Variants in ATL2 observed in about 807,000 individuals in gnomAD.
The protein encoded by ATL2 is atlastin GTPase 2.
ATL2 carries 31 observed loss-of-function variants against 73.9 expected under a neutral mutation model. That is an observed-to-expected ratio of 0.42 (90% confidence interval 0.32 to 0.57). ATL2 has a LOEUF of 0.57. Among genes scored for constraint, ATL2 ranks in the 20% least tolerant of loss-of-function variants. The pLI is 0.14. For synonymous variants in ATL2, 291 were observed against 237.5 expected (o/e 1.23, Z -2.07); for missense variants, 738 against 702.6 (o/e 1.05, Z -0.57).
In ATL2 at chr2:38,318,617, G is replaced by A; in HGVS notation, c.521C>T (p.Thr174Ile). The A allele has an allele frequency of 6.2e-7, 1 of 1,611,008 alleles. No homozygotes were observed. Among genetic ancestry groups the A allele is most frequent in the Non-Finnish European group, 8.5e-7 (1 of 1,179,168 alleles). Residue 174 changes from threonine (T) to isoleucine (I), a missense_variant, in exon 4 of 13, where the codon ACC becomes ATC. Coordinates refer to ENST00000378954, the MANE Select transcript of ATL2 (RefSeq NM_001135673.4). ...TGACTGGCTATCAAAGGCACCCTGG[G>A]TATCCATAAGCAGCACAGCAACCTA... Reference protein sequence around the residue: ...GTKVAVLLMDTQGAFDSQSTI... With the variant: ...GTKVAVLLMDIQGAFDSQSTI...
At chr2:38,330,621 CAAAAATG>C (rs1668932391) in intron 2 of ATL2, among the ~76,000 whole-genome samples, 1 of 151,988 alleles carries the variant, frequency 6.6e-6, no homozygotes, top group African/African-American at 2.4e-5. Context: ...ATGAACAATT[CAAAAATG>C]AAATTAAGAA....
At chr2:38,315,213 C>T (rs1033728224) in intron 5 of ATL2, 71 bp downstream of exon 5, 6 of 1,335,800 alleles carry the variant, frequency 4.5e-6, no homozygotes, top group East Asian at 3.2e-5. Flanking sequence ...ATTGTGCCAC[C>T]GTACTCTAGT....
At chr2:38,376,807 C>G (rs1671997216) in intron 1 of ATL2, among the ~76,000 whole-genome samples, 1 of 151,602 alleles carries the variant, frequency 6.6e-6, no homozygotes, top group African/African-American at 2.4e-5. Flanking sequence ...GGGCAGGCGG[C>G]CACGGCTCAA....
Position 38,294,291 on chromosome 2 carries a change from G to A in ATL2, c.*1703C>T, listed in dbSNP as rs540226727. On this transcript the variant is annotated 3_prime_UTR_variant, in exon 13 of 13. Transcript: ENST00000378954. Reference sequence around the variant, plus strand: ...GGGCCGGGCGCGGTGGCTCACGCCTGTAATCCCAACACTTTGGGAGGCCAA... The same window carrying A: ...GGGCCGGGCGCGGTGGCTCACGCCTATAATCCCAACACTTTGGGAGGCCAA... Among the ~76,000 whole-genome samples, 364 of 152,354 alleles carry A rather than the reference G, an allele frequency of 2.4e-3. 1 individual carries two copies. Among genetic ancestry groups the A allele is most frequent in the African/African-American group, 8.6e-3 (357 of 41,582 alleles).
chr2:38,314,802 C>T (rs1418509994), intron 5 of ATL2, 138 bp from the exon 6 acceptor site: 5 of 579,272 alleles, frequency 8.6e-6, no homozygotes, highest in Non-Finnish European at 3.0e-6. Context: ...TTCTAACACA[C>T]TAGGTATGTA....
intron 2 of ATL2, among the ~76,000 whole-genome samples, chr2:38,322,700 A>G (rs925646730): frequency 6.6e-6 from 1 of 152,094 alleles, no homozygotes; most frequent in African/African-American, 2.4e-5. Context: ...AAAAAAAAAT[A>G]CTAAACTGAT....
intron 2 of ATL2, among the ~76,000 whole-genome samples, chr2:38,330,436 T>A (rs1379828163): frequency 6.6e-6 from 1 of 151,998 alleles, no homozygotes; most frequent in Admixed American, 6.6e-5. Flanking sequence ...AAATAAAAGG[T>A]TCCCAGGTAA....
At chr2:38,311,838 C>G (rs1205195626) in intron 7 of ATL2, among the ~76,000 whole-genome samples, 1 of 152,154 alleles carries the variant, frequency 6.6e-6, no homozygotes, top group East Asian at 1.9e-4. Context: ...ACTTTCTTGT[C>G]TTTGAGTTAC....
chr2:38,363,813 C>T (rs1671148570), intron 1 of ATL2, among the ~76,000 whole-genome samples: 2 of 152,138 alleles, frequency 1.3e-5, no homozygotes, highest in Admixed American at 6.5e-5. Flanking sequence ...ACGGTTCTAA[C>T]ACAAAAAGTA....
intron 4 of ATL2, among the ~76,000 whole-genome samples, chr2:38,317,413 T>G (rs2148433986): frequency 6.6e-6 from 1 of 152,178 alleles, no homozygotes; most frequent in South Asian, 2.1e-4. Context: ...GTCCAATCCA[T>G]CTAAATTATA....
chr2:38,353,122 A>C (rs1027706171), intron 1 of ATL2, among the ~76,000 whole-genome samples: 1 of 152,226 alleles, frequency 6.6e-6, no homozygotes, highest in Non-Finnish European at 1.5e-5. Flanking sequence ...TAACAGTACC[A>C]ATTCTGCCAT....
Position 38,328,491 on chromosome 2 carries a change from G to C in ATL2, c.364-9472C>G, listed in dbSNP as rs948644747. ...CAAAGTATGCTCTCATACCACAACAGAATTAAACTATTACTAGAAATCAGT... is the reference window on the plus strand; with the variant it reads ...CAAAGTATGCTCTCATACCACAACACAATTAAACTATTACTAGAAATCAGT... On this transcript the variant is annotated intron_variant, in intron 2 of 12. Transcript: ENST00000378954. Among the ~76,000 whole-genome samples, 4 of 152,046 alleles carry C rather than the reference G, an allele frequency of 2.6e-5. No homozygotes were observed. The South Asian group carries it at 8.3e-4, about 31-fold the overall frequency.
In ATL2 at chr2:38,295,977, C is replaced by G. The variant is rs200305207; in HGVS notation, c.*17G>C. 1.3e-6 allele frequency: 2 copies of G among 1,519,750 alleles called. No individual in the cohort carries two copies. Among genetic ancestry groups the G allele is most frequent in the Non-Finnish European group, 1.8e-6 (2 of 1,121,624 alleles). The allele number at this position is 1,519,750 out of a possible 1,614,324, so 94.1% of individuals were successfully genotyped here. Reference sequence around the variant, plus strand: ...CATGAAAAAAAAAGAGAGTGGAGTCCGTGAGGAGATGAACTGTCAGTCTGT... The same window carrying G: ...CATGAAAAAAAAAGAGAGTGGAGTCGGTGAGGAGATGAACTGTCAGTCTGT... On this transcript the variant is annotated 3_prime_UTR_variant, in exon 13 of 13. Coordinates refer to ENST00000378954, the MANE Select transcript of ATL2 (RefSeq NM_001135673.4).
intron 2 of ATL2, 102 bp downstream of exon 2, chr2:38,343,149 TAAAAAAAAAAAAAAAAA>T (rs59215933): frequency 2.2e-5 from 8 of 364,548 alleles, no homozygotes; most frequent in African/African-American, 8.5e-5. Flanking sequence ...CCACTTAAAT[TAAAAAAAAAAAAAAAAA>T]AAAAAAAAAA....
At chr2:38,329,208 C>A (rs902922444) in intron 2 of ATL2, among the ~76,000 whole-genome samples, 1 of 150,178 alleles carries the variant, frequency 6.7e-6, no homozygotes, top group Non-Finnish European at 1.5e-5. Context: ...GGGCAGATCA[C>A]CTGAGGTCAG....
chr2:38,359,915 G>T (rs1288677706), intron 1 of ATL2, among the ~76,000 whole-genome samples: 1 of 151,944 alleles, frequency 6.6e-6, no homozygotes, highest in African/African-American at 2.4e-5. Flanking sequence ...ATCACTTGGG[G>T]TCAGGAGTTC....
chr2:38,320,411 AACAAG>A (rs1316908024), intron 2 of ATL2, among the ~76,000 whole-genome samples: 8 of 152,198 alleles, frequency 5.3e-5, no homozygotes, highest in African/African-American at 1.9e-4. Flanking sequence ...GAACAGATAA[AACAAG>A]ACCAGCAAAA....
At chr2:38,334,942 C>A (rs373024098) in intron 2 of ATL2, among the ~76,000 whole-genome samples, 145 of 25,054 alleles carry the variant, frequency 5.8e-3, no homozygotes, top group East Asian at 0.022. Context: ...TAATATATAA[C>A]ATTTATATAA....
chr2:38,318,457 ACT>A (rs1668144011), intron 4 of ATL2, 76 bp downstream of exon 4: 3 of 1,105,366 alleles, frequency 2.7e-6, no homozygotes, highest in Non-Finnish European at 3.8e-6. Flanking sequence ...CAAGAGTGAA[ACT>A]CTGTCTCAAA....
Sources: gnomAD v4.1 joint callset for allele counts (sites outside exome capture counted in the v4.1 genomes callset) on GRCh38, gnomAD v4.1.1 for gene constraint, MANE v1.5 for transcripts, NCBI Gene and HGNC (gene_info 2026-07-23, HGNC 2026-07-21) for gene names.